Variants in CDC5L observed in about 807,000 individuals in gnomAD.
CDC5L encodes cell division cycle 5 like, also known as cell division cycle 5-like protein.
CDC5L carries 18 observed loss-of-function variants against 104.1 expected under a neutral mutation model. The observed-to-expected ratio is 0.17, with a 90% CI of 0.12 to 0.26. The LOEUF is 0.26. Ranked by LOEUF, CDC5L falls within the 10% of genes least tolerant of loss-of-function variation. CDC5L has a pLI of 1.00. For missense variants in CDC5L, 673 were observed against 956.9 expected (o/e 0.70, Z 3.91); for synonymous variants, 331 against 322.7 (o/e 1.03, Z -0.28).
intron 14 of CDC5L, among the ~76,000 whole-genome samples, chr6:44,444,665 C>T (rs940716715): frequency 6.6e-6 from 1 of 152,136 alleles, no homozygotes; most frequent in Non-Finnish European, 1.5e-5. Flanking sequence ...CTTTTCTTCA[C>T]TGCTCCCAGG....
intron 14 of CDC5L, among the ~76,000 whole-genome samples, chr6:44,430,135 G>T (rs1792610943): frequency 6.6e-6 from 1 of 150,668 alleles, no homozygotes; most frequent in Non-Finnish European, 1.5e-5. Flanking sequence ...TGGCCTTCAT[G>T]ACTAAAGAGT....
chr6:44,416,852 C>T (rs1791930379), intron 8 of CDC5L, among the ~76,000 whole-genome samples: 1 of 152,158 alleles, frequency 6.6e-6, no homozygotes, highest in African/African-American at 2.4e-5. Context: ...TCTTATTTCT[C>T]CTCTTTCCTA....
Position 44,448,216 on chromosome 6 carries a change from T to C in CDC5L, c.*1505T>C, listed in dbSNP as rs1793521649. The C allele has an allele frequency of 6.6e-6, 1 of 152,196 alleles. No homozygotes were observed. Among genetic ancestry groups the C allele is most frequent in the Non-Finnish European group, 1.5e-5 (1 of 68,034 alleles). 9.4% of individuals were successfully genotyped at this position (152,196 alleles called of 1,614,324 possible). A position where few individuals can be genotyped will look rare whatever the true frequency, so the allele number is the denominator to read the frequency against. ...CAAACATAAAGCCTCTTTTGTATGT[T>C]TGAGGAACAAAAAGGACAATGCAGC... On this transcript the variant is annotated 3_prime_UTR_variant, in exon 16 of 16. Coordinates refer to ENST00000371477, the MANE Select transcript of CDC5L (RefSeq NM_001253.4).
At position 44,428,196 on chromosome 6, in the gene CDC5L, A is replaced by G. The variant is rs532585820; in HGVS notation, c.1893+1472A>G. ...CATTTCTCTTTTAATAAACTGTCAG[A>G]TTTTCTTTTTCTTTAATATACTTTA... On this transcript the variant is annotated intron_variant, in intron 13 of 15. Transcript: ENST00000371477. Among the ~76,000 whole-genome samples, 268 of 151,864 alleles carry G rather than the reference A, an allele frequency of 1.8e-3. 1 individual carries two copies. Among genetic ancestry groups the G allele is most frequent in the Non-Finnish European group, 3.1e-3 (209 of 67,982 alleles).
chr6:44,440,141 G>A (rs1450609271), intron 14 of CDC5L, among the ~76,000 whole-genome samples: 2 of 152,030 alleles, frequency 1.3e-5, no homozygotes, highest in East Asian at 3.9e-4. Context: ...TTTTAAAGGA[G>A]CTTCTTCATT....
intron 1 of CDC5L, among the ~76,000 whole-genome samples, chr6:44,388,371 C>T (rs1790447133): frequency 6.6e-6 from 1 of 152,138 alleles, no homozygotes; most frequent in Admixed American, 6.5e-5. Flanking sequence ...GCCCGCATCT[C>T]TCTGGTTATC....
At position 44,448,777 on chromosome 6, in the gene CDC5L, A is replaced by T. The variant is rs968152181; in HGVS notation, c.*2066A>T. ...AATGTTAACAATAATGATGTTAGAC[A>T]TTTTTTTTTCTTATTTTAATGGGAA... On this transcript the variant is annotated 3_prime_UTR_variant, in exon 16 of 16. Transcript: ENST00000371477. 14 of 151,326 alleles carry T rather than the reference A, an allele frequency of 9.3e-5. No homozygotes were observed. The highest frequency in any genetic ancestry group is 2.4e-4 in the African/African-American group (10 of 41,268). 9.4% of individuals were successfully genotyped at this position (151,326 alleles called of 1,614,324 possible). A position where few individuals can be genotyped will look rare whatever the true frequency, so the allele number is the denominator to read the frequency against.
intron 9 of CDC5L, among the ~76,000 whole-genome samples, chr6:44,422,373 G>A (rs540466990): frequency 1.3e-4 from 20 of 152,268 alleles, no homozygotes; most frequent in African/African-American, 4.8e-4. Flanking sequence ...GCCAAGAAAA[G>A]GTTGAAATAA....
At chr6:44,430,868 G>C (rs944740558) in intron 14 of CDC5L, among the ~76,000 whole-genome samples, 34 of 152,132 alleles carry the variant, frequency 2.2e-4, no homozygotes, top group Admixed American at 2.2e-3. Flanking sequence ...ACCATGCCCG[G>C]CTATGCCTTG....
rs1357639172 is a variant in CDC5L, at chr6:44,424,420, A to G, written c.1406A>G (p.Glu469Gly). Residue 469 changes from glutamate (E) to glycine (G), a missense_variant and splice_region_variant, in exon 11 of 16, where the codon GAA (glutamate) becomes GGA (glycine). Glu to Gly is a moderately conservative substitution (Grantham distance 98). Around this residue, in one of 4 missense-constraint regions of CDC5L, gnomAD observed 578 missense variants for 737.0 expected, o/e 0.78. Transcript: ENST00000371477. ...YSDPSYVKQM[E>G]RESREHLRLG... The stretch of plus-strand genomic sequence containing the variant: ...AGAAGGACCACTTCTTTTCTACAGG[A>G]AAGAGAATCCCGAGAACATCTCCGT... The G allele has an allele frequency of 6.2e-7, 1 of 1,611,734 alleles. No individual in the cohort carries two copies. The highest frequency in any genetic ancestry group is 8.5e-7 in the Non-Finnish European group (1 of 1,178,446).
intron 5 of CDC5L, among the ~76,000 whole-genome samples, chr6:44,397,449 T>G (rs1790921089): frequency 6.6e-6 from 1 of 152,248 alleles, no homozygotes; most frequent in Non-Finnish European, 1.5e-5. Flanking sequence ...TCTCTGAAAC[T>G]ATCTTGTATT....
Position 44,401,898 on chromosome 6 carries a change from T to C in CDC5L, c.540-1911T>C, listed in dbSNP as rs554814933. 1.2e-3 allele frequency among the ~76,000 whole-genome samples: 172 copies of C among 143,250 alleles called. 1 individual carries two copies. The highest frequency in any genetic ancestry group is 4.0e-3 in the Admixed American group (57 of 14,082). 94.0% of individuals were successfully genotyped at this position (143,250 alleles called of 152,430 possible). ...CAGTTCCCACCTATGAGTGAGAATA[T>C]GCGGTGTTTGGTTTTTTGTTCTTGC... On this transcript the variant is annotated intron_variant, in intron 5 of 15. Coordinates refer to ENST00000371477, the MANE Select transcript of CDC5L (RefSeq NM_001253.4).
chr6:44,444,019 A>T (rs1793335021), intron 14 of CDC5L, among the ~76,000 whole-genome samples: 1 of 152,042 alleles, frequency 6.6e-6, no homozygotes, highest in Non-Finnish European at 1.5e-5. Context: ...TACCTTTTAA[A>T]TCTTTGTATT....
intron 14 of CDC5L, among the ~76,000 whole-genome samples, chr6:44,442,375 T>TTGTGTGTGTGTG (rs149528659): frequency 5.5e-5 from 8 of 145,022 alleles, no homozygotes; most frequent in South Asian, 2.2e-4. Context: ...TGTGTGTATG[T>TTGTGTGTGTGTG]TGTGTGTGTG....
chr6:44,438,559 C>T (rs751489036), intron 14 of CDC5L, among the ~76,000 whole-genome samples: 7 of 151,376 alleles, frequency 4.6e-5, no homozygotes, highest in Non-Finnish European at 5.9e-5. Context: ...AAACCACTGG[C>T]GTAAAAAGAC....
chr6:44,432,831 T>C (rs1332094053), intron 14 of CDC5L, among the ~76,000 whole-genome samples: 1 of 152,150 alleles, frequency 6.6e-6, no homozygotes, highest in East Asian at 1.9e-4. Context: ...TGCCAGACTT[T>C]TGTGTGTAAA....
chr6:44,428,368 T>C (rs1361545275), intron 13 of CDC5L, among the ~76,000 whole-genome samples: 1 of 152,170 alleles, frequency 6.6e-6, no homozygotes, highest in Non-Finnish European at 1.5e-5. Flanking sequence ...TTTGATGTGT[T>C]TATTTTCATT....
At chr6:44,445,996 T>C in intron 15 of CDC5L, 129 bp downstream of exon 15, 1 of 725,372 alleles carries the variant, frequency 1.4e-6, no homozygotes, top group East Asian at 2.6e-5. Context: ...AATGAGAGCC[T>C]AAAGTGTTTG....
chr6:44,390,208 T>A (rs1462399106), intron 1 of CDC5L, 60 bp from the exon 2 acceptor site: 1 of 1,019,692 alleles, frequency 9.8e-7, no homozygotes, highest in African/African-American at 1.6e-5. Flanking sequence ...TTAATTTAAA[T>A]TTTGTCTTTT....
Sources: gnomAD v4.1 joint callset for allele counts (sites outside exome capture counted in the v4.1 genomes callset) on GRCh38, gnomAD v4.1.1 for gene constraint, gnomAD v4.1.1 regional missense constraint, MANE v1.5 for transcripts, NCBI Gene and HGNC (gene_info 2026-07-23, HGNC 2026-07-21) for gene names.